NDUFB8: variants seen among roughly 807,000 people sequenced by gnomAD.
The protein encoded by NDUFB8 is NADH:ubiquinone oxidoreductase subunit B8.
A neutral mutation model predicts 26.0 loss-of-function variants in NDUFB8; 17 were observed. The ratio of observed to expected loss-of-function variants is 0.65; its 90% confidence interval spans 0.45 to 0.98. NDUFB8 has a LOEUF of 0.98. Ranked by LOEUF, NDUFB8 falls within the 50% of genes least tolerant of loss-of-function variation. The probability of loss-of-function intolerance (pLI) is 0.00; values close to 1 mark genes in which losing one functional copy is unlikely to be tolerated. For missense variants in NDUFB8, 238 were observed against 255.0 expected (o/e 0.93, Z 0.45); for synonymous variants, 89 against 93.1 (o/e 0.96, Z 0.25).
At chr10:100,529,681 G>A in intron 1 of NDUFB8, 86 bp downstream of exon 1, 1 of 1,548,764 alleles carries the variant, frequency 6.5e-7, no homozygotes. Context: ...GGAGGCTGCC[G>A]CCGCGGCATC....
At position 100,529,834 on chromosome 10, in the gene NDUFB8, G is replaced by A. The variant is rs142073536; in HGVS notation, c.18C>T (p.Ala6=). The change falls in exon 1 of 5, where the codon GCC becomes GCT. Residue 6 remains alanine, a synonymous_variant. Coordinates refer to ENST00000299166, the MANE Select transcript of NDUFB8 (RefSeq NM_005004.4). ...GCAGCCACTGGACTCCCAAGACCCCGGCCCTGGCCACCGCCATCTTCACCT... is the reference window on the plus strand; with the variant it reads ...GCAGCCACTGGACTCCCAAGACCCCAGCCCTGGCCACCGCCATCTTCACCT... MAVAR[A]GVLGVQWLQR... The A allele has an allele frequency of 1.9e-6, 3 of 1,606,548 alleles. No homozygotes were observed. Among genetic ancestry groups the A allele is most frequent in the Non-Finnish European group, 2.5e-6 (3 of 1,176,510 alleles).
intron 4 of NDUFB8, among the ~76,000 whole-genome samples, chr10:100,525,524 G>A (rs191609356): frequency 6.6e-6 from 1 of 152,168 alleles, no homozygotes; most frequent in Non-Finnish European, 1.5e-5. Context: ...CTCCCAATGT[G>A]CCGGGATTAC....
chr10:100,529,399 A>C lies in NDUFB8; in HGVS notation c.193T>G (p.Tyr65Asp), dbSNP rs548513373. ...TCTCACCCCATGCCATCATCCGGGT[A>C]AGGTTCGTAGTCTTCCACACGCATA... is the stretch of plus-strand genomic sequence containing the variant. ...YNMRVEDYEP[Y>D]PDDGMGYGDY... Residue 65 changes from tyrosine to aspartate, a missense_variant, in exon 2 of 5, where the codon TAC becomes GAC. By Grantham distance (160) the Tyr-to-Asp change is radical. Transcript: ENST00000299166. 2.5e-6 allele frequency: 4 copies of C among 1,611,236 alleles called. No individual in the cohort carries two copies. Among genetic ancestry groups the C allele is most frequent in the Non-Finnish European group, 3.4e-6 (4 of 1,179,070 alleles).
At chr10:100,529,265 A>G in intron 2 of NDUFB8, 115 bp downstream of exon 2, 2 of 757,974 alleles carry the variant, frequency 2.6e-6, no homozygotes, top group Non-Finnish European at 3.3e-6. Context: ...CACCCACTCC[A>G]TTGACTCTGA....
Position 100,523,921 on chromosome 10 carries a change from C to T in NDUFB8, c.477G>A (p.Lys159=), listed in dbSNP as rs1273787354. 6.2e-7 allele frequency: 1 copy of T among 1,614,018 alleles called. No individual in the cohort carries two copies. Among genetic ancestry groups the T allele is most frequent in the Non-Finnish European group, 8.5e-7 (1 of 1,180,030 alleles). The change falls in exon 5 of 5, where the codon AAG becomes AAA. Residue 159 remains lysine, a synonymous_variant. Coordinates refer to ENST00000299166, the MANE Select transcript of NDUFB8 (RefSeq NM_005004.4). ...VYPVYQPVGP[K]QYPYNNLYLE... is the part of the protein sequence containing the mutation. ...GGTACAGATTATTGTAAGGATACTG[C>T]TTTGGTCCCTACAGAAAAAAACACA...
intron 4 of NDUFB8, among the ~76,000 whole-genome samples, chr10:100,525,717 CGTGTGTGTGTGT>C (rs71013460): frequency 0.017 from 780 of 46,040 alleles, 87 homozygotes; most frequent in African/African-American, 0.08. Context: ...TAAGCACATA[CGTGTGTGTGTGT>C]GTGTGTGTGT....
chr10:100,529,750 C>T lies in NDUFB8; in HGVS notation c.85+17G>A, dbSNP rs745419778. ...GTACCCCCTTCCCACACTGAGGTCT[C>T]GCCCGTTCTCGCGGACCTGTCCGTG... On this transcript the variant is annotated intron_variant, in intron 1 of 4. Coordinates refer to ENST00000299166, the MANE Select transcript of NDUFB8 (RefSeq NM_005004.4). 11 of 1,611,924 alleles carry T rather than the reference C, an allele frequency of 6.8e-6. No individual in the cohort carries two copies. Among genetic ancestry groups the T allele is most frequent in the Admixed American group, 6.7e-5 (4 of 59,876 alleles).
rs1157281961 is a variant in NDUFB8 at position 100,523,855 on chromosome 10, C to T, written c.543G>A (p.Val181=). ...GGDPSKEPER[V]VHYEI The stretch of plus-strand genomic sequence containing the variant: ...AGCCTCCTCAGATCTCATAGTGAAC[C>T]ACCCGCTCTGGTTCTTTGGAGGGAT... The change falls in exon 5 of 5, where the codon GTG becomes GTA. Residue 181 remains valine (V), a synonymous_variant. Coordinates refer to ENST00000299166, the MANE Select transcript of NDUFB8 (RefSeq NM_005004.4). The T allele has an allele frequency of 1.9e-6, 3 of 1,614,150 alleles. No individual in the cohort carries two copies. Among genetic ancestry groups the T allele is most frequent in the Non-Finnish European group, 2.5e-6 (3 of 1,180,026 alleles).
At chr10:100,529,084 A>T (rs1852099669) in intron 2 of NDUFB8, 1 of 230,976 alleles carries the variant, frequency 4.3e-6, no homozygotes, top group Admixed American at 5.9e-5. Flanking sequence ...ATGAAACTCG[A>T]CGCTCTGGAT....
At chr10:100,526,738 C>T in intron 3 of NDUFB8, 184 bp from the exon 4 acceptor site, 1 of 796,462 alleles carries the variant, frequency 1.3e-6, no homozygotes, top group African/African-American at 1.7e-5. Flanking sequence ...TGTCTAGGTT[C>T]TGCTGAATAG....
intron 2 of NDUFB8, among the ~76,000 whole-genome samples, chr10:100,528,073 C>T (rs1052056099): frequency 5.3e-5 from 8 of 152,238 alleles, no homozygotes; most frequent in Non-Finnish European, 1.2e-4. Context: ...CTGCCTTGGC[C>T]TCCCAAAGTG....
chr10:100,528,165 A>G (rs1222557066), intron 2 of NDUFB8, among the ~76,000 whole-genome samples: 1 of 152,194 alleles, frequency 6.6e-6, no homozygotes, highest in Non-Finnish European at 1.5e-5. Context: ...TTCTATGTTT[A>G]GATACACAAA....
chr10:100,526,915 T>A, intron 3 of NDUFB8, 60 bp downstream of exon 3: 5 of 1,497,488 alleles, frequency 3.3e-6, no homozygotes, highest in Non-Finnish European at 4.6e-6. Flanking sequence ...CCATCTGAGC[T>A]AAAGAATCGC....
At chr10:100,526,681 G>T in intron 3 of NDUFB8, 127 bp from the exon 4 acceptor site, 1 of 1,194,792 alleles carries the variant, frequency 8.4e-7, no homozygotes, top group Non-Finnish European at 1.2e-6. Context: ...AATATGCTGA[G>T]AACCAGGTCT....
intron 4 of NDUFB8, among the ~76,000 whole-genome samples, chr10:100,525,250 T>C (rs1387752138): frequency 6.6e-6 from 1 of 151,818 alleles, no homozygotes. Context: ...CTCCTTTTCC[T>C]TCATTGTTTT....
intron 2 of NDUFB8, chr10:100,529,089 C>G (rs930143561): frequency 1.6e-5 from 4 of 249,710 alleles, no homozygotes; most frequent in Non-Finnish European, 3.1e-5. Context: ...ACTCGACGCT[C>G]TGGATAGAGC....
In NDUFB8 at chr10:100,529,755, G is replaced by A; in HGVS notation, c.85+12C>T. 1 of 1,612,006 alleles carries A rather than the reference G, an allele frequency of 6.2e-7. No homozygotes were observed. The highest frequency in any genetic ancestry group is 8.5e-7 in the Non-Finnish European group (1 of 1,179,414). On this transcript the variant is annotated intron_variant, in intron 1 of 4. Coordinates refer to ENST00000299166, the MANE Select transcript of NDUFB8 (RefSeq NM_005004.4). ...CCCTTCCCACACTGAGGTCTCGCCCGTTCTCGCGGACCTGTCCGTGCGCCC... is the reference window on the plus strand; with the variant it reads ...CCCTTCCCACACTGAGGTCTCGCCCATTCTCGCGGACCTGTCCGTGCGCCC...
chr10:100,523,937 A>G lies in NDUFB8; in HGVS notation c.469-8T>C, dbSNP rs748287451. 1 of 1,614,134 alleles carries G rather than the reference A, an allele frequency of 6.2e-7. No homozygotes were observed. The highest frequency in any genetic ancestry group is 8.5e-7 in the Non-Finnish European group (1 of 1,180,020). On this transcript the variant is annotated splice_polypyrimidine_tract_variant and splice_region_variant and intron_variant, in intron 4 of 4. Transcript: ENST00000299166. ...AGGATACTGCTTTGGTCCCTACAGA[A>G]AAAAACACAGGTCAGCAAGAACATA... is the stretch of plus-strand genomic sequence containing the variant.
Position 100,526,594 on chromosome 10 carries a change from C to T in NDUFB8, c.313-40G>A, listed in dbSNP as rs200941174. ...CAAATAGCTGTCACATACTACTCTT[C>T]CTGCAAAATGCAGGCAAGTCCCCAG... On this transcript the variant is annotated intron_variant, in intron 3 of 4. Transcript: ENST00000299166. 3 of 1,610,622 alleles carry T rather than the reference C, an allele frequency of 1.9e-6. No individual in the cohort carries two copies. The African/African-American group carries it at 4.0e-5, about 22-fold the overall frequency.
Sources: allele counts gnomAD v4.1 joint callset (sites outside exome capture counted in the v4.1 genomes callset), GRCh38; gene constraint gnomAD v4.1.1; transcripts MANE v1.5; gene names NCBI Gene and HGNC (gene_info 2026-07-23, HGNC 2026-07-21).